Variants in ANKRD44 observed in about 807,000 individuals in gnomAD.
ANKRD44 encodes the protein serine/threonine-protein phosphatase 6 regulatory ankyrin repeat subunit B.
A neutral mutation model predicts 116.0 loss-of-function variants in ANKRD44; 35 were observed. The ratio of observed to expected loss-of-function variants is 0.30; its 90% confidence interval spans 0.23 to 0.40. ANKRD44 has a LOEUF of 0.40. ANKRD44 is among the 10% of genes least tolerant of loss of function. The pLI, the probability that ANKRD44 is intolerant of heterozygous loss-of-function variation, is 1.00. For missense variants in ANKRD44, 1,014 were observed against 1,242.6 expected (o/e 0.82, Z 2.77); for synonymous variants, 435 against 461.8 (o/e 0.94, Z 0.74).
chr2:197,124,218 C>G (rs997949573), intron 6 of ANKRD44, among the ~76,000 whole-genome samples: 3 of 151,970 alleles, frequency 2.0e-5, no homozygotes, highest in Non-Finnish European at 4.4e-5. Flanking sequence ...TTTTTTTAAG[C>G]CCAAGGATTC....
At position 197,125,806 on chromosome 2, in the gene ANKRD44, C is replaced by T. The variant is rs777601026; in HGVS notation, c.462+31G>A. ...TTGTGGCTGAAAGTCCTGGAGGGAG[C>T]GTTCCAATTCTGAATGATAAAAATA... On this transcript the variant is annotated intron_variant, in intron 5 of 27. Coordinates refer to ENST00000282272, the MANE Select transcript of ANKRD44 (RefSeq NM_001195144.2). The T allele has an allele frequency of 2.4e-5, 39 of 1,606,586 alleles. No homozygotes were observed. The East Asian group carries it at 5.8e-4, about 24-fold the overall frequency.
chr2:197,247,451 A>G (rs2082218064), intron 1 of ANKRD44, among the ~76,000 whole-genome samples: 1 of 152,208 alleles, frequency 6.6e-6, no homozygotes, highest in Non-Finnish European at 1.5e-5. Context: ...ACCCTGTCAT[A>G]GGGAAATCAC....
intron 17 of ANKRD44, 73 bp from the exon 18 acceptor site, chr2:197,013,785 C>A: frequency 6.7e-7 from 1 of 1,487,152 alleles, no homozygotes; most frequent in Non-Finnish European, 9.3e-7. Context: ...ACAGGAGGGG[C>A]TGGGCTTCCT....
chr2:196,984,258 C>T (rs936087728), downstream of ANKRD44, among the ~76,000 whole-genome samples: 1 of 152,128 alleles, frequency 6.6e-6, no homozygotes, highest in African/African-American at 2.4e-5. Flanking sequence ...GTCTCCCTGG[C>T]GCTTGGAACT....
In ANKRD44 at chr2:197,090,046, AAAC is replaced by A; in HGVS notation, c.1101-17_1101-15del. 6.2e-7 allele frequency: 1 copy of A among 1,604,646 alleles called. No individual in the cohort carries two copies. Among genetic ancestry groups the A allele is most frequent in the Non-Finnish European group, 8.5e-7 (1 of 1,171,472 alleles). On this transcript the variant is annotated splice_polypyrimidine_tract_variant and intron_variant, in intron 10 of 27. Transcript: ENST00000282272. ...TGGATTCCACACCTGAGGAGTAAGAAAACAGAGCAACTCACGGCAACAGATCTC... is the reference window on the plus strand; with the variant it reads ...TGGATTCCACACCTGAGGAGTAAGAAAGAGCAACTCACGGCAACAGATCTC...
chr2:197,039,680 CGTGTGTGTGTGTGTGTGTGTGTGTGT>C (rs10535447), intron 16 of ANKRD44, among the ~76,000 whole-genome samples: 4 of 141,448 alleles, frequency 2.8e-5, no homozygotes, highest in African/African-American at 5.3e-5. Context: ...TGTGTGTGTG[CGTGTGTGTGTGTGTGTGTGTGTGTGT>C]GTGTGTGTGT....
In ANKRD44 at chr2:197,010,764, G is replaced by A. The variant is rs1303725408; in HGVS notation, c.1925-1733C>T. ...GAAGGCCACAAAGTACATTGTATTTGCCACATTATGGATGTGGAGAGAGAA... is the reference window on the plus strand; with the variant it reads ...GAAGGCCACAAAGTACATTGTATTTACCACATTATGGATGTGGAGAGAGAA... On this transcript the variant is annotated intron_variant, in intron 18 of 27. Coordinates refer to ENST00000282272, the MANE Select transcript of ANKRD44 (RefSeq NM_001195144.2). Among the ~76,000 whole-genome samples the A allele has an allele frequency of 3.9e-5, 6 of 152,194 alleles. No homozygotes were observed. In the South Asian group the frequency reaches 1.0e-3, roughly 26 times the overall value.
intron 10 of ANKRD44, among the ~76,000 whole-genome samples, chr2:197,091,458 A>T (rs778318218): frequency 1.2e-4 from 19 of 152,146 alleles, no homozygotes; most frequent in Non-Finnish European, 2.5e-4. Flanking sequence ...GGCTCAGGTG[A>T]TCCTCCCACT....
chr2:196,989,984 G>C (rs1002403971), intron 27 of ANKRD44: 1 of 1,034,932 alleles, frequency 9.7e-7, no homozygotes, highest in Non-Finnish European at 1.2e-6. Flanking sequence ...AGATAAATTT[G>C]GGTTCAATCA....
intron 1 of ANKRD44, among the ~76,000 whole-genome samples, chr2:197,238,728 G>A (rs2082026954): frequency 6.6e-6 from 1 of 151,260 alleles, no homozygotes; most frequent in Non-Finnish European, 1.5e-5. Flanking sequence ...TTTTTTAGAT[G>A]GAGTCTCACT....
chr2:196,999,018 C>T lies in ANKRD44; in HGVS notation c.2554G>A (p.Val852Met). The change falls in exon 24 of 28, where the codon GTG becomes ATG. Residue 852 changes from valine to methionine, a missense_variant. Transcript: ENST00000282272. ...PLHAAAFADH[V>M]ECLQLLLRHS... ...CTCAGAAGAAGCTGCAAGCACTCCA[C>T]ATGATCAGCAAATGCTGCCGCATGA... The T allele has an allele frequency of 6.2e-7, 1 of 1,614,178 alleles. No individual in the cohort carries two copies. Among genetic ancestry groups the T allele is most frequent in the East Asian group, 2.2e-5 (1 of 44,884 alleles).
chr2:196,999,119 G>T, intron 23 of ANKRD44, 67 bp from the exon 24 acceptor site: 1 of 1,568,742 alleles, frequency 6.4e-7, no homozygotes, highest in Non-Finnish European at 8.7e-7. Flanking sequence ...TACTGCCCAA[G>T]AAACATGCAC....
intron 1 of ANKRD44, among the ~76,000 whole-genome samples, chr2:197,243,736 C>A (rs1363462856): frequency 6.6e-6 from 1 of 152,180 alleles, no homozygotes; most frequent in African/African-American, 2.4e-5. Context: ...GCAGAGGGGG[C>A]AAACAAGCTC....
intron 18 of ANKRD44, among the ~76,000 whole-genome samples, chr2:197,012,130 C>T (rs1419744353): frequency 6.6e-6 from 1 of 152,222 alleles, no homozygotes; most frequent in Non-Finnish European, 1.5e-5. Flanking sequence ...AAAGCACACG[C>T]TAAAGCTTCT....
chr2:197,279,046 A>C (rs757634675), intron 1 of ANKRD44, among the ~76,000 whole-genome samples: 62 of 152,236 alleles, frequency 4.1e-4, no homozygotes, highest in Non-Finnish European at 1.8e-4. Flanking sequence ...GGTTTTTCTT[A>C]TGGTTTCAGG....
At position 197,295,395 on chromosome 2, in the gene ANKRD44, G is replaced by A. The variant is rs537957568; in HGVS notation, c.27+15183C>T. 6.6e-5 allele frequency among the ~76,000 whole-genome samples: 10 copies of A among 152,264 alleles called. No homozygotes were observed. In the South Asian group the frequency reaches 1.7e-3, roughly 25 times the overall value. ...CTGTTGTAGCGCCCATAGACAAGAC[G>A]TAAACAAATAATACAACTTTATTTA... On this transcript the variant is annotated intron_variant, in intron 1 of 27. Transcript: ENST00000282272.
intron 9 of ANKRD44, among the ~76,000 whole-genome samples, chr2:197,107,420 C>T (rs954946954): frequency 2.6e-5 from 4 of 152,196 alleles, no homozygotes; most frequent in African/African-American, 9.7e-5. Context: ...TGGTCAGTTG[C>T]TTTCCCTCTA....
At chr2:196,997,647 C>A (rs1343092484) in intron 25 of ANKRD44, among the ~76,000 whole-genome samples, 1 of 151,742 alleles carries the variant, frequency 6.6e-6, no homozygotes, top group East Asian at 1.9e-4. Flanking sequence ...CAGGGTTTCT[C>A]CATTATGGTC....
At chr2:197,288,053 A>T (rs971744746) in intron 1 of ANKRD44, among the ~76,000 whole-genome samples, 38 of 151,682 alleles carry the variant, frequency 2.5e-4, no homozygotes, top group Non-Finnish European at 2.7e-4. Context: ...GAAAGAAAAG[A>T]AAAAAAGATA....
Sources: allele counts gnomAD v4.1 joint callset (sites outside exome capture counted in the v4.1 genomes callset), GRCh38; gene constraint gnomAD v4.1.1; transcripts MANE v1.5; gene names NCBI Gene and HGNC (gene_info 2026-07-23, HGNC 2026-07-21).